The following CPPED1 variants were observed in gnomAD, a reference collection of about 807,000 sequenced individuals.
CPPED1 encodes calcineurin like phosphoesterase domain containing 1, also known as serine/threonine-protein phosphatase CPPED1.
In CPPED1, 28 loss-of-function variants were observed where a neutral mutation model predicts 28.0. That is an observed-to-expected ratio of 1.00 (90% confidence interval 0.74 to 1.37). CPPED1 has a LOEUF of 1.37. Ranked by LOEUF, CPPED1 falls within the 40% of genes most tolerant of loss-of-function variation. The pLI, the probability that CPPED1 is intolerant of heterozygous loss-of-function variation, is 0.00. For synonymous variants in CPPED1, 198 were observed against 180.2 expected (o/e 1.10, Z -0.79); for missense variants, 504 against 416.5 (o/e 1.21, Z -1.83).
chr16:12,723,900 C>T (rs998063809), intron 2 of CPPED1, among the ~76,000 whole-genome samples: 1 of 152,256 alleles, frequency 6.6e-6, no homozygotes, highest in East Asian at 1.9e-4. Context: ...TGCCATCCAC[C>T]CAGCTGCCTG....
chr16:12,778,341 A>G (rs1193097824), intron 2 of CPPED1, among the ~76,000 whole-genome samples: 2 of 140,828 alleles, frequency 1.4e-5, no homozygotes, highest in South Asian at 2.2e-4. Flanking sequence ...CTGTGGTGCA[A>G]TCTTGCTCAT....
At chr16:12,680,748 G>C (rs116183117) in intron 3 of CPPED1, among the ~76,000 whole-genome samples, 237 of 152,272 alleles carry the variant, frequency 1.6e-3, no homozygotes, top group African/African-American at 5.5e-3. Context: ...ACCTGGGGTG[G>C]GCTGTAGGGG....
At chr16:12,730,148 C>T (rs903992444) in intron 2 of CPPED1, among the ~76,000 whole-genome samples, 4 of 152,122 alleles carry the variant, frequency 2.6e-5, no homozygotes, top group African/African-American at 4.8e-5. Flanking sequence ...ACGTGTGAGC[C>T]ACCACGGCCA....
At chr16:12,748,497 C>T (rs990355256) in intron 2 of CPPED1, among the ~76,000 whole-genome samples, 10 of 152,146 alleles carry the variant, frequency 6.6e-5, no homozygotes, top group African/African-American at 1.9e-4. Flanking sequence ...TTCCAGGCCA[C>T]GACAATAAAG....
At chr16:12,768,545 T>A (rs1021509220) in intron 2 of CPPED1, among the ~76,000 whole-genome samples, 4 of 152,214 alleles carry the variant, frequency 2.6e-5, no homozygotes, top group African/African-American at 9.7e-5. Context: ...AATAGCCACA[T>A]GTTGACCATG....
chr16:12,751,285 A>C (rs985601094), intron 2 of CPPED1, among the ~76,000 whole-genome samples: 1 of 152,186 alleles, frequency 6.6e-6, no homozygotes, highest in Admixed American at 6.5e-5. Flanking sequence ...TTCTTAAGGA[A>C]ATTAACAGTG....
intron 2 of CPPED1, among the ~76,000 whole-genome samples, chr16:12,732,081 T>C (rs572534994): frequency 5.5e-4 from 83 of 151,244 alleles, no homozygotes; most frequent in Middle Eastern, 3.4e-3. Flanking sequence ...TAGAATCGCC[T>C]GGGGGGCAGA....
chr16:12,719,032 G>A (rs931539730), intron 2 of CPPED1, among the ~76,000 whole-genome samples: 1 of 152,088 alleles, frequency 6.6e-6, no homozygotes, highest in Non-Finnish European at 1.5e-5. Context: ...AAGGTGAAAG[G>A]CATGTCTTAC....
At chr16:12,744,177 G>A (rs1304641874) in intron 2 of CPPED1, among the ~76,000 whole-genome samples, 1 of 151,974 alleles carries the variant, frequency 6.6e-6, no homozygotes, top group Non-Finnish European at 1.5e-5. Flanking sequence ...TTGGGAGGCT[G>A]AGGCAGGAGA....
At chr16:12,692,930 G>A (rs1049562839) in intron 3 of CPPED1, among the ~76,000 whole-genome samples, 1 of 152,146 alleles carries the variant, frequency 6.6e-6, no homozygotes, top group Non-Finnish European at 1.5e-5. Context: ...CCTTCTATCT[G>A]GACAATGTTA....
At chr16:12,780,885 C>G (rs1016379807) in intron 2 of CPPED1, 1 of 376,356 alleles carries the variant, frequency 2.7e-6, no homozygotes, top group Non-Finnish European at 4.9e-6. Context: ...GGAAGCAGTT[C>G]AAGTTTGTCC....
intron 2 of CPPED1, among the ~76,000 whole-genome samples, chr16:12,710,969 C>T (rs2080077002): frequency 6.6e-6 from 1 of 152,036 alleles, no homozygotes; most frequent in South Asian, 2.1e-4. Context: ...CCAGATAATC[C>T]AACAATTCTA....
chr16:12,728,295 G>A (rs1454044095), intron 2 of CPPED1, among the ~76,000 whole-genome samples: 1 of 151,926 alleles, frequency 6.6e-6, no homozygotes, highest in Non-Finnish European at 1.5e-5. Flanking sequence ...TGATTAGAGG[G>A]TCCGTAGAGG....
intron 2 of CPPED1, among the ~76,000 whole-genome samples, chr16:12,730,153 C>T (rs144831355): frequency 2.6e-5 from 4 of 152,250 alleles, no homozygotes; most frequent in African/African-American, 4.8e-5. Context: ...TGAGCCACCA[C>T]GGCCAGCTAA....
At chr16:12,796,737 G>A (rs2080629924) in intron 1 of CPPED1, among the ~76,000 whole-genome samples, 2 of 152,028 alleles carry the variant, frequency 1.3e-5, no homozygotes, top group African/African-American at 4.8e-5. Context: ...CTACCCAAAA[G>A]ATATGAGAAC....
At chr16:12,783,724 GAAAAAA>G (rs200823867) in intron 1 of CPPED1, among the ~76,000 whole-genome samples, 1 of 150,098 alleles carries the variant, frequency 6.7e-6, no homozygotes, top group Non-Finnish European at 1.5e-5. Flanking sequence ...CAGAGTTAAA[GAAAAAA>G]AAAGTGAACA....
chr16:12,772,022 C>T (rs2080472956), intron 2 of CPPED1, among the ~76,000 whole-genome samples: 1 of 152,120 alleles, frequency 6.6e-6, no homozygotes, highest in Admixed American at 6.6e-5. Context: ...ACTTGGGAGG[C>T]TGAGGCAGGA....
intron 3 of CPPED1, among the ~76,000 whole-genome samples, chr16:12,702,880 T>C (rs1468799167): frequency 2.6e-5 from 4 of 151,958 alleles, no homozygotes; most frequent in African/African-American, 7.2e-5. Context: ...GACATGGTGA[T>C]GGGTGCCTGT....
At chr16:12,780,364 C>T (rs1481357193) in intron 2 of CPPED1, among the ~76,000 whole-genome samples, 1 of 151,992 alleles carries the variant, frequency 6.6e-6, no homozygotes, top group African/African-American at 2.4e-5. Context: ...TTAGTAGAGA[C>T]GGGGTTTCAC....
Sources: allele counts gnomAD v4.1 joint callset (sites outside exome capture counted in the v4.1 genomes callset), GRCh38; gene constraint gnomAD v4.1.1; transcripts MANE v1.5; gene names NCBI Gene and HGNC (gene_info 2026-07-23, HGNC 2026-07-21).